Variants in DPYSL5 observed in about 807,000 individuals in gnomAD.
The protein encoded by DPYSL5 is dihydropyrimidinase like 5, also known as dihydropyrimidinase-related protein 5.
A neutral mutation model predicts 58.4 loss-of-function variants in DPYSL5; 9 were observed. That is an observed-to-expected ratio of 0.15 (90% CI 0.09 to 0.27). DPYSL5 has a LOEUF of 0.27. DPYSL5 is among the 10% of genes least tolerant of loss of function. The pLI, the probability that DPYSL5 is intolerant of heterozygous loss-of-function variation, is 1.00. For missense variants in DPYSL5, 499 were observed against 770.6 expected, an observed-to-expected ratio of 0.65 and a Z score of 4.17; for synonymous variants, 293 against 301.9, an observed-to-expected ratio of 0.97 and a Z score of 0.31.
rs1665520018 is a variant in DPYSL5, at chr2:26,947,533, G to A, written c.*538G>A. On this transcript the variant is annotated 3_prime_UTR_variant, in exon 13 of 13. Coordinates refer to ENST00000288699, the MANE Select transcript of DPYSL5 (RefSeq NM_020134.4). The surrounding 1 kb of genome is among the most constrained non-coding windows in gnomAD (Gnocchi z 4.2). ...CAACCCACCTCTGGCCCTGTGTAGG[G>A]GCAGGGATGGGGGTGGCTGGGACTC... is the stretch of plus-strand genomic sequence containing the variant. 1 of 153,288 alleles carries A rather than the reference G, an allele frequency of 6.5e-6. No individual in the cohort carries two copies. The highest frequency in any genetic ancestry group is 1.5e-5 in the Non-Finnish European group (1 of 68,456). The allele number at this position is 153,288 out of a possible 1,614,324, so 9.5% of individuals were successfully genotyped here. A position where few individuals can be genotyped will look rare whatever the true frequency, so the allele number is the denominator to read the frequency against.
At position 26,942,040 on chromosome 2, in the gene DPYSL5, A is replaced by G. The variant is rs185472268; in HGVS notation, c.1180A>G (p.Ile394Val). ...LLNLYPRKGR[I>V]IPGADADVVV... ...GAACCTGTATCCCCGCAAGGGCCGC[A>G]TTATTCCCGGAGCCGATGCTGATGT... The change falls in exon 10 of 13, where the codon ATT becomes GTT. Residue 394 changes from isoleucine (I) to valine (V), a missense_variant. By Grantham distance (29) the Ile-to-Val change is conservative. Transcript: ENST00000288699. This position sits in a 1 kb window ranked among gnomAD's most constrained non-coding sequence, Gnocchi z 5.9. 4.3e-6 allele frequency: 7 copies of G among 1,614,176 alleles called. No individual in the cohort carries two copies. The East Asian group carries it at 1.1e-4, about 26-fold the overall frequency.
intron 3 of DPYSL5, among the ~76,000 whole-genome samples, chr2:26,926,878 A>G (rs945675768): frequency 1.3e-5 from 2 of 152,210 alleles, no homozygotes; most frequent in African/African-American, 4.8e-5. Flanking sequence ...TAGCATTAGT[A>G]TGCCTTCTTT....
chr2:26,921,465 C>T (rs114150629), intron 2 of DPYSL5, among the ~76,000 whole-genome samples: 1,712 of 151,668 alleles, frequency 0.011, 31 homozygotes, highest in African/African-American at 0.039. Flanking sequence ...TTGAAAGCCT[C>T]GGGAACACAA....
In DPYSL5 at chr2:26,849,709, C is replaced by T. The variant is rs1665698649; in HGVS notation, c.-5+1455C>T. On this transcript the variant is annotated intron_variant, in intron 1 of 12. Coordinates refer to ENST00000288699, the MANE Select transcript of DPYSL5 (RefSeq NM_020134.4). This position sits in a 1 kb window ranked among gnomAD's most constrained non-coding sequence, Gnocchi z 6.2. The stretch of plus-strand genomic sequence containing the variant: ...GTGTCCATCCGACGACAAACCAGGG[C>T]CACCCAGGACGCGAGGGTGCAGTTT... 6.6e-6 allele frequency among the ~76,000 whole-genome samples: 1 copy of T among 152,234 alleles called. No individual in the cohort carries two copies. The highest frequency in any genetic ancestry group is 1.5e-5 in the Non-Finnish European group (1 of 68,034).
chr2:26,866,473 C>CAT (rs1002081494), intron 1 of DPYSL5, among the ~76,000 whole-genome samples: 3 of 151,470 alleles, frequency 2.0e-5, no homozygotes, highest in Admixed American at 1.3e-4. Flanking sequence ...TATGCAAACA[C>CAT]ACACACACAC....
At chr2:26,848,353 G>C (rs565680183) in intron 1 of DPYSL5, 99 bp downstream of exon 1, 3 of 152,378 alleles carry the variant, frequency 2.0e-5, no homozygotes, top group Admixed American at 2.0e-4. Flanking sequence ...AAAGGGCGGG[G>C]AGCCGGGTGA....
chr2:26,920,020 A>C (rs980095772), intron 2 of DPYSL5, among the ~76,000 whole-genome samples: 1 of 152,166 alleles, frequency 6.6e-6, no homozygotes, highest in South Asian at 2.1e-4. Flanking sequence ...TATTTGTATA[A>C]TTTTTTTAAT....
At chr2:26,865,520 G>A (rs1413451793) in intron 1 of DPYSL5, among the ~76,000 whole-genome samples, 1 of 151,826 alleles carries the variant, frequency 6.6e-6, no homozygotes, top group African/African-American at 2.4e-5. Context: ...TCACCATATT[G>A]ACCAGGACGG....
chr2:26,928,704 TACACACACACACATAC>T (rs1664891533), intron 5 of DPYSL5, among the ~76,000 whole-genome samples: 111 of 62,584 alleles, frequency 1.8e-3, no homozygotes, highest in South Asian at 2.9e-3. Context: ...TATATATATA[TACACACACACACATAC>T]ATATATATAC....
chr2:26,898,908 A>C lies in DPYSL5; in HGVS notation c.261+148A>C. The C allele has an allele frequency of 6.1e-6, 6 of 978,806 alleles. No homozygotes were observed. Among genetic ancestry groups the C allele is most frequent in the Non-Finnish European group, 5.9e-6 (4 of 677,326 alleles). 60.6% of individuals were successfully genotyped at this position (978,806 alleles called of 1,614,324 possible). A position where few individuals can be genotyped will look rare whatever the true frequency, so the allele number is the denominator to read the frequency against. On this transcript the variant is annotated intron_variant, in intron 2 of 12. Transcript: ENST00000288699. This position sits in a 1 kb window ranked among gnomAD's most constrained non-coding sequence, Gnocchi z 6.1. ...GTGTCAGGGCCACTGTGGCAACTAC[A>C]ATAGGGATTTCCGGCTTAACGTCAC...
chr2:26,852,947 A>G (rs563887498), intron 1 of DPYSL5, among the ~76,000 whole-genome samples: 3 of 152,324 alleles, frequency 2.0e-5, no homozygotes, highest in South Asian at 4.1e-4. Context: ...TGTGTCCACA[A>G]AAACAACACT....
intron 1 of DPYSL5, among the ~76,000 whole-genome samples, chr2:26,851,429 G>T (rs138543315): frequency 2.3e-4 from 20 of 88,568 alleles, no homozygotes; most frequent in South Asian, 5.9e-4. Flanking sequence ...TCTCTGGAAA[G>T]AGTTCCACAG....
intron 1 of DPYSL5, among the ~76,000 whole-genome samples, chr2:26,865,932 G>A (rs757907151): frequency 6.6e-6 from 1 of 152,172 alleles, no homozygotes; most frequent in Non-Finnish European, 1.5e-5. Flanking sequence ...AGTTCTTGAA[G>A]GCAAGGATTC....
At chr2:26,920,077 A>G (rs888924871) in intron 2 of DPYSL5, among the ~76,000 whole-genome samples, 2 of 152,216 alleles carry the variant, frequency 1.3e-5, no homozygotes, top group African/African-American at 2.4e-5. Context: ...TTTACATAGT[A>G]AAAGCATAAA....
At chr2:26,876,640 C>T (rs1025517356) in intron 1 of DPYSL5, among the ~76,000 whole-genome samples, 2 of 152,208 alleles carry the variant, frequency 1.3e-5, no homozygotes, top group Admixed American at 6.5e-5. Flanking sequence ...CTCCGCCTCC[C>T]GAGTACCTGG....
chr2:26,942,206 C>A lies in DPYSL5; in HGVS notation c.1232+114C>A, dbSNP rs1665340926. The A allele has an allele frequency of 6.8e-7, 1 of 1,472,428 alleles. No individual in the cohort carries two copies. Among genetic ancestry groups the A allele is most frequent in the Non-Finnish European group, 9.2e-7 (1 of 1,090,890 alleles). The allele number at this position is 1,472,428 out of a possible 1,614,324, so 91.2% of individuals were successfully genotyped here. On this transcript the variant is annotated intron_variant, in intron 10 of 12. Transcript: ENST00000288699. This position sits in a 1 kb window ranked among gnomAD's most constrained non-coding sequence, Gnocchi z 5.9. ...GCACTATTTCTAGCACAAAATATGG[C>A]CCTGGCCTACCGTTGGCCATCTTCT...
At chr2:26,855,200 C>T (rs1040754392) in intron 1 of DPYSL5, among the ~76,000 whole-genome samples, 8 of 148,898 alleles carry the variant, frequency 5.4e-5, no homozygotes, top group African/African-American at 1.5e-4. Context: ...GAGCCTGAGG[C>T]GGGTGGGTCA....
intron 6 of DPYSL5, among the ~76,000 whole-genome samples, chr2:26,932,723 T>C (rs1461252644): frequency 6.6e-6 from 1 of 152,094 alleles, no homozygotes; most frequent in Non-Finnish European, 1.5e-5. Context: ...AGCTAACCAG[T>C]ATTACAGTCC....
At position 26,944,019 on chromosome 2, in the gene DPYSL5, T is replaced by C. The variant is rs553534667; in HGVS notation, c.1441-637T>C. Among the ~76,000 whole-genome samples, 2 of 152,202 alleles carry C rather than the reference T, an allele frequency of 1.3e-5. No individual in the cohort carries two copies. The highest frequency in any genetic ancestry group is 4.2e-4 in the South Asian group (2 of 4,814). On this transcript the variant is annotated intron_variant, in intron 11 of 12. Transcript: ENST00000288699. This position sits in a 1 kb window ranked among gnomAD's most constrained non-coding sequence, Gnocchi z 4.4. ...TCTAAAATTGACTTCCGGTTGGGCA[T>C]GGTGGCTCACGCCTGTAATCCCGGA...
Sources: allele counts gnomAD v4.1 joint callset (sites outside exome capture counted in the v4.1 genomes callset), GRCh38; gene constraint gnomAD v4.1.1; non-coding constraint Gnocchi (gnomAD v3.1); transcripts MANE v1.5; gene names NCBI Gene and HGNC (gene_info 2026-07-23, HGNC 2026-07-21).